The following PKDCC variants were observed in gnomAD, a reference collection of about 807,000 sequenced individuals.
PKDCC encodes the protein protein kinase domain containing, cytoplasmic, also known as extracellular tyrosine-protein kinase PKDCC.
Under a neutral mutation model 44.7 loss-of-function variants are expected in PKDCC, and 35 were observed. That is an observed-to-expected ratio of 0.78 (90% CI 0.60 to 1.04). The LOEUF is 1.04. Ranked by LOEUF, PKDCC falls within the 50% of genes least tolerant of loss-of-function variation. PKDCC has a pLI of 0.00. For synonymous variants in PKDCC, 353 were observed against 303.3 expected, an observed-to-expected ratio of 1.16 and a Z score of -1.70; for missense variants, 738 against 672.7, an observed-to-expected ratio of 1.10 and a Z score of -1.07.
intron 2 of PKDCC, 98 bp downstream of exon 2, chr2:42,053,459 C>A: frequency 6.8e-7 from 1 of 1,464,102 alleles, no homozygotes; most frequent in South Asian, 1.4e-5. Context: ...CTCCTCCACC[C>A]AGGGAGAGGG....
chr2:42,050,337 G>T (rs970820301), intron 1 of PKDCC, among the ~76,000 whole-genome samples: 2 of 152,178 alleles, frequency 1.3e-5, no homozygotes, highest in Admixed American at 6.5e-5. Context: ...GGAAACTCTA[G>T]GGTGTCAGCC....
Position 42,055,238 on chromosome 2 carries a change from G to C in PKDCC, c.1115-48G>C. The C allele has an allele frequency of 6.5e-7, 1 of 1,541,422 alleles. No individual in the cohort carries two copies. Among genetic ancestry groups the C allele is most frequent in the Non-Finnish European group, 8.9e-7 (1 of 1,127,266 alleles). On this transcript the variant is annotated intron_variant, in intron 4 of 6. Transcript: ENST00000294964. The surrounding 1 kb of genome is among the most constrained non-coding windows in gnomAD (Gnocchi z 4.5). ...AGCAGCTGGCTGCTGACTTCAGGGA[G>C]GAGTGGGAGCCCCAGGCATCCTGTC...
rs1427835337 is a variant in PKDCC, at chr2:42,048,485, G to A, written c.286G>A (p.Gly96Ser). 2 of 1,042,594 alleles carry A rather than the reference G, an allele frequency of 1.9e-6. No homozygotes were observed. Among genetic ancestry groups the A allele is most frequent in the Non-Finnish European group, 2.3e-6 (2 of 869,558 alleles). 64.6% of individuals were successfully genotyped at this position (1,042,594 alleles called of 1,614,324 possible). A position where few individuals can be genotyped will look rare whatever the true frequency, so the allele number is the denominator to read the frequency against. Residue 96 changes from glycine (G) to serine (S), a missense_variant, in exon 1 of 7, where the codon GGC becomes AGC. Physicochemically the swap from Gly to Ser is moderately conservative, Grantham distance 56. Coordinates refer to ENST00000294964, the MANE Select transcript of PKDCC (RefSeq NM_138370.3). This position sits in a 1 kb window ranked among gnomAD's most constrained non-coding sequence, Gnocchi z 6.2. ...RLMDLAPGGPGLPRPRPPWAR... is the reference protein window; with the variant it reads ...RLMDLAPGGPSLPRPRPPWAR... The stretch of plus-strand genomic sequence containing the variant: ...GATGGACCTGGCTCCGGGCGGGCCC[G>A]GCCTGCCGCGCCCCCGGCCCCCTTG...
intron 1 of PKDCC, among the ~76,000 whole-genome samples, 194 bp downstream of exon 1, chr2:42,049,032 G>A (rs976691533): frequency 9.9e-5 from 15 of 152,080 alleles, no homozygotes; most frequent in Non-Finnish European, 2.1e-4. Flanking sequence ...TCCCTTTACC[G>A]GAGAACTCCT....
chr2:42,058,470 G>T lies in PKDCC; in HGVS notation c.*782G>T, dbSNP rs550446719. ...CTTGTTGGTTAAATTGTTTATTTTT[G>T]TAAAAAATAAAATAAAATTAGTTAA... On this transcript the variant is annotated 3_prime_UTR_variant, in exon 7 of 7. Coordinates refer to ENST00000294964, the MANE Select transcript of PKDCC (RefSeq NM_138370.3). The surrounding 1 kb of genome is among the most constrained non-coding windows in gnomAD (Gnocchi z 4.2). The T allele has an allele frequency of 1.3e-5, 2 of 152,448 alleles. No individual in the cohort carries two copies. The highest frequency in any genetic ancestry group is 4.8e-5 in the African/African-American group (2 of 41,540). 9.4% of individuals were successfully genotyped at this position (152,448 alleles called of 1,614,324 possible). A position where few individuals can be genotyped will look rare whatever the true frequency, so the allele number is the denominator to read the frequency against.
Position 42,048,869 on chromosome 2 carries a change from GT to G in PKDCC, c.639+33del, listed in dbSNP as rs761660499. Reference sequence around the variant, plus strand: ...AGGGTGGGGACGCGGGGGTAACGGTGTTGGCTGGGAGTGCCCAAGACCTTGT... The same window carrying G: ...AGGGTGGGGACGCGGGGGTAACGGTGTGGCTGGGAGTGCCCAAGACCTTGT... On this transcript the variant is annotated intron_variant, in intron 1 of 6. Transcript: ENST00000294964. The surrounding 1 kb of genome is among the most constrained non-coding windows in gnomAD (Gnocchi z 6.2). 1 of 1,452,956 alleles carries G rather than the reference GT, an allele frequency of 6.9e-7. No individual in the cohort carries two copies. Among genetic ancestry groups the G allele is most frequent in the Non-Finnish European group, 9.1e-7 (1 of 1,098,396 alleles). 90.0% of individuals were successfully genotyped at this position (1,452,956 alleles called of 1,614,324 possible).
chr2:42,053,325 C>A lies in PKDCC; in HGVS notation c.726C>A (p.Ile242=). The part of the protein sequence containing the change: ...ITELGAPVEM[I]QLLQTSWEDR... ...AGCTGGGCGCCCCTGTAGAAATGAT[C>A]CAGCTGCTGCAAACTTCCTGGGAGG... The change falls in exon 2 of 7, where the codon ATC becomes ATA. Residue 242 remains isoleucine, a synonymous_variant. Coordinates refer to ENST00000294964, the MANE Select transcript of PKDCC (RefSeq NM_138370.3). The A allele has an allele frequency of 6.2e-7, 1 of 1,613,300 alleles. No individual in the cohort carries two copies. Among genetic ancestry groups the A allele is most frequent in the South Asian group, 1.1e-5 (1 of 91,056 alleles).
intron 5 of PKDCC, among the ~76,000 whole-genome samples, chr2:42,056,913 A>C (rs1230527726): frequency 6.6e-6 from 1 of 152,216 alleles, no homozygotes; most frequent in Admixed American, 6.5e-5. Flanking sequence ...CTGGGACTCC[A>C]TGTGTCCCTG....
chr2:42,054,504 A>G lies in PKDCC; in HGVS notation c.1034+197A>G. The G allele has an allele frequency of 1.5e-6, 1 of 668,328 alleles. No homozygotes were observed. 41.4% of individuals were successfully genotyped at this position (668,328 alleles called of 1,614,324 possible). A position where few individuals can be genotyped will look rare whatever the true frequency, so the allele number is the denominator to read the frequency against. On this transcript the variant is annotated intron_variant, in intron 3 of 6. Coordinates refer to ENST00000294964, the MANE Select transcript of PKDCC (RefSeq NM_138370.3). This position sits in a 1 kb window ranked among gnomAD's most constrained non-coding sequence, Gnocchi z 6.1. ...GCTAAAAATAGACAGCTCCAAGGAG[A>G]ATCCGGGTTAGGGGGTGGCAGCTGG...
rs1572762249 is a variant in PKDCC at position 42,054,755 on chromosome 2, T to C, written c.1035-186T>C. The C allele has an allele frequency of 1.5e-6, 1 of 669,100 alleles. No individual in the cohort carries two copies. The highest frequency in any genetic ancestry group is 2.5e-5 in the East Asian group (1 of 39,906). The allele number at this position is 669,100 out of a possible 1,614,324, so 41.4% of individuals were successfully genotyped here. On this transcript the variant is annotated intron_variant, in intron 3 of 6. Coordinates refer to ENST00000294964, the MANE Select transcript of PKDCC (RefSeq NM_138370.3). This position sits in a 1 kb window ranked among gnomAD's most constrained non-coding sequence, Gnocchi z 6.1. ...TGGTTTCGGTTAGTATGAAGTTAGGTGTGGTGTTAGCATGTGCCCAGAACC... is the reference window on the plus strand; with the variant it reads ...TGGTTTCGGTTAGTATGAAGTTAGGCGTGGTGTTAGCATGTGCCCAGAACC...
Position 42,054,889 on chromosome 2 carries a change from G to T in PKDCC, c.1035-52G>T. ...CTGCCCCAGGTTGGAATAGAGGAAG[G>T]ATGTGTCTCCAAAGGCTGGATTCCT... On this transcript the variant is annotated intron_variant, in intron 3 of 6. Transcript: ENST00000294964. This position sits in a 1 kb window ranked among gnomAD's most constrained non-coding sequence, Gnocchi z 6.1. 2.0e-6 allele frequency: 3 copies of T among 1,516,924 alleles called. No individual in the cohort carries two copies. The highest frequency in any genetic ancestry group is 2.3e-5 in the East Asian group (1 of 44,394). 94.0% of individuals were successfully genotyped at this position (1,516,924 alleles called of 1,614,324 possible).
Position 42,048,724 on chromosome 2 carries a change from G to A in PKDCC, c.525G>A (p.Leu175=). 6.4e-7 allele frequency: 1 copy of A among 1,564,326 alleles called. No individual in the cohort carries two copies. Among genetic ancestry groups the A allele is most frequent in the Non-Finnish European group, 8.7e-7 (1 of 1,155,480 alleles). ...LKAVDFSGHD[L]GSCVREFGVR... ...CGGTGGACTTTAGCGGCCACGATCT[G>A]GGCAGCTGCGTGCGCGAGTTCGGGG... The change falls in exon 1 of 7, where the codon CTG becomes CTA. Residue 175 remains leucine, a synonymous_variant. Coordinates refer to ENST00000294964, the MANE Select transcript of PKDCC (RefSeq NM_138370.3). The surrounding 1 kb of genome is among the most constrained non-coding windows in gnomAD (Gnocchi z 6.2).
intron 1 of PKDCC, among the ~76,000 whole-genome samples, chr2:42,049,740 G>C (rs1667936033): frequency 6.6e-6 from 1 of 152,102 alleles, no homozygotes; most frequent in Non-Finnish European, 1.5e-5. Flanking sequence ...CACAGTCCCA[G>C]CACCGCCCTA....
In PKDCC at chr2:42,057,764, G is replaced by A. The variant is rs1668083017; in HGVS notation, c.*76G>A. On this transcript the variant is annotated 3_prime_UTR_variant, in exon 7 of 7. Coordinates refer to ENST00000294964, the MANE Select transcript of PKDCC (RefSeq NM_138370.3). Reference sequence around the variant, plus strand: ...GCCTGTGGAGGGAGTGACTTGCACTGGCAGCACTGCATGTCACCTGGGAAC... The same window carrying A: ...GCCTGTGGAGGGAGTGACTTGCACTAGCAGCACTGCATGTCACCTGGGAAC... 9 of 1,275,184 alleles carry A rather than the reference G, an allele frequency of 7.1e-6. No homozygotes were observed. The highest frequency in any genetic ancestry group is 1.3e-5 in the South Asian group (1 of 79,514). The allele number at this position is 1,275,184 out of a possible 1,614,324, so 79.0% of individuals were successfully genotyped here.
intron 1 of PKDCC, among the ~76,000 whole-genome samples, chr2:42,050,867 T>C (rs1418837719): frequency 6.6e-6 from 1 of 152,192 alleles, no homozygotes; most frequent in East Asian, 1.9e-4. Context: ...AGTGTCGCTC[T>C]GGCCTCCTAA....
chr2:42,052,003 C>T lies in PKDCC; in HGVS notation c.640-1236C>T, dbSNP rs981086084. Among the ~76,000 whole-genome samples, 2 of 152,068 alleles carry T rather than the reference C, an allele frequency of 1.3e-5. No individual in the cohort carries two copies. Among genetic ancestry groups the T allele is most frequent in the African/African-American group, 2.4e-5 (1 of 41,374 alleles). On this transcript the variant is annotated intron_variant, in intron 1 of 6. Transcript: ENST00000294964. This position sits in a 1 kb window ranked among gnomAD's most constrained non-coding sequence, Gnocchi z 4.3. ...GGTGCTGGTTGTTTTGAGCACCATA[C>T]GAGCCCCTAGCTGCTGTGGAGTATG...
Position 42,055,382 on chromosome 2 carries a change from G to A in PKDCC, c.1211G>A (p.Ser404Asn). 6.2e-7 allele frequency: 1 copy of A among 1,613,520 alleles called. No homozygotes were observed. The highest frequency in any genetic ancestry group is 8.5e-7 in the Non-Finnish European group (1 of 1,179,928). Residue 404 changes from serine (S) to asparagine (N), a missense_variant, in exon 5 of 7, where the codon AGC becomes AAC. Transcript: ENST00000294964. This position sits in a 1 kb window ranked among gnomAD's most constrained non-coding sequence, Gnocchi z 4.5. ...CAGTATCTGCAGAACTCCACGGCAA[G>A]CAGCAGTACCGGTGAGTGGCCCCAA... is the stretch of plus-strand genomic sequence containing the variant. ...SGQYLQNSTA[S>N]SSTEYQCIPD...
chr2:42,049,087 G>A (rs985546837), intron 1 of PKDCC, among the ~76,000 whole-genome samples: 1 of 152,200 alleles, frequency 6.6e-6, no homozygotes, highest in Non-Finnish European at 1.5e-5. Flanking sequence ...GGCCAGGACA[G>A]AGGCTCCCAA....
intron 2 of PKDCC, 76 bp downstream of exon 2, chr2:42,053,437 C>T (rs991944501): frequency 2.7e-6 from 4 of 1,509,108 alleles, no homozygotes; most frequent in Non-Finnish European, 3.6e-6. Context: ...CCCTCCAAAG[C>T]AGCTCCCACT....
Sources: allele counts gnomAD v4.1 joint callset (sites outside exome capture counted in the v4.1 genomes callset), GRCh38; gene constraint gnomAD v4.1.1; non-coding constraint Gnocchi (gnomAD v3.1); transcripts MANE v1.5; gene names NCBI Gene and HGNC (gene_info 2026-07-23, HGNC 2026-07-21).